GPHN: variants seen among roughly 807,000 people sequenced by gnomAD.
GPHN encodes the protein gephyrin.
A neutral mutation model predicts 95.5 loss-of-function variants in GPHN; 17 were observed. That is an observed-to-expected ratio of 0.18 (90% CI 0.12 to 0.27). The LOEUF (loss-of-function observed/expected upper bound fraction) is 0.27, where lower values mean the gene tolerates loss of function less well. Ranked by LOEUF, GPHN falls within the 10% of genes least tolerant of loss-of-function variation. The pLI is 1.00. For synonymous variants in GPHN, 320 were observed against 322.5 expected (o/e 0.99, Z 0.08); for missense variants, 660 against 978.1 (o/e 0.67, Z 4.34).
At chr14:66,618,853 G>GA (rs1421675430) in intron 1 of GPHN, among the ~76,000 whole-genome samples, 1 of 152,126 alleles carries the variant, frequency 6.6e-6, no homozygotes, top group Non-Finnish European at 1.5e-5. Context: ...GGAAGATGGT[G>GA]AACCTATCCA....
the GPHN span, chr14:67,559,803 GTCCAGCACTTGTTTTGCA>G: frequency 1.9e-5 from 13 of 686,474 alleles, no homozygotes; most frequent in African/African-American, 1.6e-4. Flanking sequence ...CCTTCATTCT[GTCCAGCACTTGTTTTGCA>G]TTCAGCCTCC....
At chr14:67,474,077 C>A in the GPHN span, 3 of 972,692 alleles carry the variant, frequency 3.1e-6, no homozygotes, top group Non-Finnish European at 4.4e-6. Flanking sequence ...CATGGTGAAA[C>A]CCCGTCTCTA....
At chr14:67,729,813 G>A in the GPHN span, 3 of 486,858 alleles carry the variant, frequency 6.2e-6, no homozygotes, top group Admixed American at 2.2e-5. Flanking sequence ...GCCAAGATTG[G>A]CACTATCTGT....
chr14:66,823,961 G>C (rs1346984624), intron 3 of GPHN, among the ~76,000 whole-genome samples: 1 of 152,142 alleles, frequency 6.6e-6, no homozygotes, highest in East Asian at 1.9e-4. Flanking sequence ...GAATTAGCAA[G>C]AATAAGAAAA....
chr14:66,681,557 A>G (rs1031566902), intron 2 of GPHN, among the ~76,000 whole-genome samples: 1 of 152,128 alleles, frequency 6.6e-6, no homozygotes, highest in Non-Finnish European at 1.5e-5. Flanking sequence ...ATTTGTAATT[A>G]TAATTAGAAA....
intron 11 of GPHN, among the ~76,000 whole-genome samples, chr14:67,080,274 T>G (rs2076639454): frequency 6.6e-6 from 1 of 151,792 alleles, no homozygotes; most frequent in Admixed American, 6.6e-5. Context: ...TTTTTTGTTG[T>G]TGAGTTGTAA....
chr14:67,477,531 C>A, the GPHN span, among the ~76,000 whole-genome samples: 1 of 152,146 alleles, frequency 6.6e-6, no homozygotes, highest in Non-Finnish European at 1.5e-5. Flanking sequence ...GAATTTCTGT[C>A]CCCGGCCAGA....
chr14:67,719,533 G>C, the GPHN span, among the ~76,000 whole-genome samples: 1 of 151,986 alleles, frequency 6.6e-6, no homozygotes, highest in South Asian at 2.1e-4. Flanking sequence ...GGAGTGTAGT[G>C]GCATGATCAT....
At chr14:66,862,213 A>G (rs761224167) in intron 4 of GPHN, among the ~76,000 whole-genome samples, 2 of 152,226 alleles carry the variant, frequency 1.3e-5, no homozygotes, top group Non-Finnish European at 2.9e-5. Context: ...ATGAGCAACT[A>G]TATACCAAAA....
At chr14:67,065,713 T>C (rs953512768) in intron 11 of GPHN, among the ~76,000 whole-genome samples, 2 of 151,892 alleles carry the variant, frequency 1.3e-5, no homozygotes, top group African/African-American at 4.8e-5. Context: ...TGATCTTTGT[T>C]GGTTTAAAGT....
intron 1 of GPHN, among the ~76,000 whole-genome samples, chr14:66,602,393 A>G (rs1468079187): frequency 6.6e-6 from 1 of 151,934 alleles, no homozygotes; most frequent in Admixed American, 6.6e-5. Context: ...TTGTCAGAGA[A>G]TGTTAGGTAA....
intron 3 of GPHN, among the ~76,000 whole-genome samples, chr14:66,818,601 CAATT>C (rs1304302720): frequency 6.6e-6 from 1 of 152,032 alleles, no homozygotes; most frequent in East Asian, 1.9e-4. Context: ...GATTTATAAT[CAATT>C]GGGTATATAC....
chr14:66,745,813 A>C (rs1254524002), intron 2 of GPHN, among the ~76,000 whole-genome samples: 1 of 151,892 alleles, frequency 6.6e-6, no homozygotes, highest in Non-Finnish European at 1.5e-5. Context: ...AATTTTTAAA[A>C]ATAATAATAA....
the GPHN span, chr14:67,570,146 C>T: frequency 4.9e-5 from 35 of 713,058 alleles, no homozygotes; most frequent in East Asian, 5.7e-4. Flanking sequence ...GAGCCCAGCA[C>T]GTGTCATTTT....
intron 5 of GPHN, among the ~76,000 whole-genome samples, chr14:66,894,477 A>G (rs545602319): frequency 6.6e-6 from 1 of 152,362 alleles, no homozygotes; most frequent in Non-Finnish European, 1.5e-5. Context: ...CTAAAACACC[A>G]AAAGCAATGG....
At chr14:67,729,317 C>T in the GPHN span, 2 of 1,600,260 alleles carry the variant, frequency 1.2e-6, no homozygotes, top group Non-Finnish European at 1.7e-6. Flanking sequence ...CGGGAGGGGG[C>T]GCAGACCAGC....
chr14:67,210,570 T>C, the GPHN span, among the ~76,000 whole-genome samples: 1 of 152,168 alleles, frequency 6.6e-6, no homozygotes, highest in Non-Finnish European at 1.5e-5. Context: ...TTGGGCATAG[T>C]TGATGATAAA....
At chr14:67,079,609 G>C (rs201589477) in intron 11 of GPHN, among the ~76,000 whole-genome samples, 67 of 129,858 alleles carry the variant, frequency 5.2e-4, no homozygotes, top group African/African-American at 2.4e-3. Context: ...TCATTCCTTT[G>C]TTGTGGTGGT....
At chr14:67,444,409 A>G in the GPHN span, among the ~76,000 whole-genome samples, 1 of 152,218 alleles carries the variant, frequency 6.6e-6, no homozygotes, top group Admixed American at 6.5e-5. Flanking sequence ...GTATGCATTC[A>G]GAGCATGTTT....
Sources: gnomAD v4.1 joint callset for allele counts (sites outside exome capture counted in the v4.1 genomes callset) on GRCh38, gnomAD v4.1.1 for gene constraint, MANE v1.5 for transcripts, NCBI Gene and HGNC (gene_info 2026-07-23, HGNC 2026-07-21) for gene names.